DMD: variants seen among roughly 807,000 people sequenced by gnomAD.
DMD encodes dystrophin, also known as mutant dystrophin.
A neutral mutation model predicts 330.1 loss-of-function variants in DMD; 63 were observed. That is an observed-to-expected ratio of 0.19 (90% confidence interval 0.16 to 0.24). The LOEUF (loss-of-function observed/expected upper bound fraction) is 0.24, where lower values mean the gene tolerates loss of function less well. DMD is among the 10% of genes least tolerant of loss of function. The pLI is 1.00. For missense variants in DMD, 3,344 were observed against 2,684.1 expected, an observed-to-expected ratio of 1.25 and a Z score of -5.43; for synonymous variants, 1,223 against 959.8, an observed-to-expected ratio of 1.27 and a Z score of -5.07.
intron 52 of DMD, among the ~76,000 whole-genome samples, chrX:31,686,399 TG>T (rs1471908613): frequency 8.9e-6 from 1 of 112,403 alleles, no homozygotes; most frequent in Non-Finnish European, 1.9e-5. Context: ...TTTCATAATT[TG>T]AAAATGGACT....
At chrX:32,949,342 G>GTAGGTAGATAGATAGA (rs1225499899) in intron 2 of DMD, among the ~76,000 whole-genome samples, 2 of 91,530 alleles carry the variant, frequency 2.2e-5, no homozygotes, top group Admixed American at 2.5e-4. Context: ...AGGTAGGTAG[G>GTAGGTAGATAGATAGA]TAGATAGATA....
chrX:32,739,708 G>C (rs2068983797), intron 7 of DMD, among the ~76,000 whole-genome samples: 1 of 111,391 alleles, frequency 9.0e-6, no homozygotes, highest in Admixed American at 9.6e-5. Context: ...CTGTTGAAGT[G>C]TTTTCCATTG....
chrX:31,688,696 T>C (rs1427252621), intron 52 of DMD, among the ~76,000 whole-genome samples: 2 of 111,402 alleles, frequency 1.8e-5, no homozygotes, highest in African/African-American at 6.5e-5. Context: ...ATATCCCTGA[T>C]GAACATCGAT....
At chrX:33,128,094 G>A in intron 1 of DMD, 2 of 1,194,574 alleles carry the variant, frequency 1.7e-6, no homozygotes, top group South Asian at 3.7e-5. Flanking sequence ...AATGCTTGTG[G>A]AATTTATCAT....
At chrX:33,048,319 C>A (rs935705859) in intron 1 of DMD, among the ~76,000 whole-genome samples, 1 of 111,529 alleles carries the variant, frequency 9.0e-6, no homozygotes, top group Admixed American at 9.6e-5. Flanking sequence ...TAGAGCCTTA[C>A]GTAGTCGTAA....
intron 1 of DMD, among the ~76,000 whole-genome samples, chrX:33,166,262 G>A (rs1226557414): frequency 9.0e-6 from 1 of 111,041 alleles, no homozygotes; most frequent in African/African-American, 3.3e-5. Context: ...AAAAGGCAAG[G>A]AGTAATTTAA....
chrX:31,804,549 G>T (rs2092220801), intron 50 of DMD, among the ~76,000 whole-genome samples: 1 of 111,784 alleles, frequency 8.9e-6, no homozygotes, highest in Non-Finnish European at 1.9e-5. Context: ...TGCTTCAGTG[G>T]CTTTCAATTA....
At chrX:32,409,833 T>C (rs1295533871) in intron 30 of DMD, among the ~76,000 whole-genome samples, 1 of 111,583 alleles carries the variant, frequency 9.0e-6, no homozygotes, top group East Asian at 2.8e-4. Flanking sequence ...TTTATAGTCA[T>C]GTAGTTCTTC....
At chrX:31,360,208 C>G in intron 60 of DMD, among the ~76,000 whole-genome samples, 1 of 111,166 alleles carries the variant, frequency 9.0e-6, no homozygotes, top group Non-Finnish European at 1.9e-5. Context: ...TTTAGTTGTT[C>G]ATGGGAAGGC....
At chrX:32,592,267 G>T (rs1004975905) in intron 13 of DMD, among the ~76,000 whole-genome samples, 11 of 110,753 alleles carry the variant, frequency 9.9e-5, no homozygotes, top group African/African-American at 3.6e-4. Context: ...AGAACTTATG[G>T]TGCTTTTTCT....
rs142058743 is a variant in DMD, at chrX:32,504,653, C to T, written c.2293-2811G>A. 6.2e-4 allele frequency among the ~76,000 whole-genome samples: 69 copies of T among 111,231 alleles called. 1 individual carries two copies. In the East Asian group the frequency reaches 0.013, roughly 21 times the overall value. ...AAAATAAATAAATAAAATAAAATAA[C>T]ATGAACATATATTTTTGTGGAACAC... On this transcript the variant is annotated intron_variant, in intron 18 of 78. Coordinates refer to ENST00000357033, the MANE Select transcript of DMD (RefSeq NM_004006.3).
chrX:32,588,070 C>T (rs896271800), intron 13 of DMD, among the ~76,000 whole-genome samples: 1 of 111,324 alleles, frequency 9.0e-6, no homozygotes, highest in Non-Finnish European at 1.9e-5. Flanking sequence ...CCTTTTAAGT[C>T]AAAAAAATCT....
rs987575828 is a variant in DMD, at chrX:31,149,377, A to G, written c.10554-1859T>C. 4.4e-5 allele frequency among the ~76,000 whole-genome samples: 5 copies of G among 112,443 alleles called. No individual in the cohort carries two copies. In the East Asian group the frequency reaches 1.4e-3, roughly 31 times the overall value. ...AGCTTTAAATCAATTGATGTCTGAT[A>G]GGCCTTCTCAGCCCACTTTGTTTTT... is the stretch of plus-strand genomic sequence containing the variant. On this transcript the variant is annotated intron_variant, in intron 74 of 78. Transcript: ENST00000357033.
rs1397313254 is a variant in DMD, at chrX:32,390,080, A to T, written c.4335T>A (p.Asp1445Glu). 1.7e-6 allele frequency: 2 copies of T among 1,203,700 alleles called. No individual in the cohort carries two copies. Among genetic ancestry groups the T allele is most frequent in the Non-Finnish European group, 2.2e-6 (2 of 889,579 alleles). Reference sequence around the variant, plus strand: ...CTGAAATAACATATACCTGTGCAACATCAATCTGAGACAGGACTCTTTGGG... The same window carrying T: ...CTGAAATAACATATACCTGTGCAACTTCAATCTGAGACAGGACTCTTTGGG... ...EAAQRVLSQI[D>E]VAQKKLQDVS... The change falls in exon 31 of 79, where the codon GAT (aspartate) becomes GAA (glutamate). Residue 1445 changes from aspartate to glutamate, a missense_variant. Transcript: ENST00000357033.
At chrX:31,581,965 C>T (rs989269991) in intron 55 of DMD, among the ~76,000 whole-genome samples, 4 of 111,652 alleles carry the variant, frequency 3.6e-5, no homozygotes, top group Admixed American at 1.9e-4. Flanking sequence ...TACTTGTATA[C>T]CAGTGCCACC....
intron 7 of DMD, among the ~76,000 whole-genome samples, chrX:32,756,914 C>A (rs2071576758): frequency 9.0e-6 from 1 of 111,505 alleles, no homozygotes; most frequent in African/African-American, 3.3e-5. Flanking sequence ...CACAGCTCAT[C>A]ACTGGTTTGA....
chrX:33,268,652 T>G (rs114549301), intron 1 of DMD, among the ~76,000 whole-genome samples: 1 of 111,210 alleles, frequency 9.0e-6, no homozygotes, highest in African/African-American at 3.3e-5. Flanking sequence ...AAAGGCTGAG[T>G]GCAGTGGCTT....
intron 49 of DMD, among the ~76,000 whole-genome samples, chrX:31,831,831 T>C (rs760629777): frequency 8.9e-6 from 1 of 112,606 alleles, no homozygotes; most frequent in South Asian, 3.7e-4. Context: ...CTCGATCTCC[T>C]GACTTTGTGA....
At chrX:32,559,826 C>T (rs981552952) in intron 16 of DMD, among the ~76,000 whole-genome samples, 7 of 111,307 alleles carry the variant, frequency 6.3e-5, no homozygotes, top group Middle Eastern at 4.6e-3. Context: ...GTGCTTGCTT[C>T]GGCAGCACAC....
Sources: allele counts gnomAD v4.1 joint callset (sites outside exome capture counted in the v4.1 genomes callset), GRCh38; gene constraint gnomAD v4.1.1; transcripts MANE v1.5; gene names NCBI Gene and HGNC (gene_info 2026-07-23, HGNC 2026-07-21).